MASTL: variants seen among roughly 807,000 people sequenced by gnomAD.
MASTL encodes the protein microtubule associated serine/threonine kinase like.
In MASTL, 54 loss-of-function variants were observed where a neutral mutation model predicts 82.5. The observed-to-expected ratio is 0.65, with a 90% CI of 0.53 to 0.82. MASTL has a LOEUF of 0.82. Among genes scored for constraint, MASTL ranks in the 40% least tolerant of loss-of-function variants. The pLI, the probability that MASTL is intolerant of heterozygous loss-of-function variation, is 0.00. For missense variants in MASTL, 950 were observed against 1,047.8 expected (o/e 0.91, Z 1.29); for synonymous variants, 323 against 368.9 (o/e 0.88, Z 1.43).
intron 11 of MASTL, among the ~76,000 whole-genome samples, chr10:27,183,851 A>G (rs2058472221): frequency 6.6e-6 from 1 of 151,900 alleles, no homozygotes; most frequent in Admixed American, 6.6e-5. Flanking sequence ...AGCTGGTACT[A>G]CTGGTGCACA....
At chr10:27,182,321 G>C (rs935106148) in intron 11 of MASTL, among the ~76,000 whole-genome samples, 3 of 151,454 alleles carry the variant, frequency 2.0e-5, no homozygotes, top group Admixed American at 2.0e-4. Flanking sequence ...AAGATAATTC[G>C]ATTTATTTCT....
At chr10:27,186,088 C>CA (rs144666387) in intron 11 of MASTL, among the ~76,000 whole-genome samples, 15,265 of 150,770 alleles carry the variant, frequency 0.1, 2,505 homozygotes, top group African/African-American at 0.35. Context: ...GACCTCGTCT[C>CA]AAAAAAAAAG....
chr10:27,187,177 G>A lies in MASTL; in HGVS notation c.*641G>A, dbSNP rs1745915390. Among the ~76,000 whole-genome samples the A allele has an allele frequency of 6.6e-6, 1 of 152,144 alleles. No homozygotes were observed. Among genetic ancestry groups the A allele is most frequent in the African/African-American group, 2.4e-5 (1 of 41,436 alleles). ...TAGCCGGGCATGTTGGTGGGCGCCT[G>A]TAGTCCCAGCTACTCTGGAGGCTGA... On this transcript the variant is annotated 3_prime_UTR_variant, in exon 12 of 12. Transcript: ENST00000375940.
chr10:27,171,111 T>A (rs757022643), intron 8 of MASTL, 28 bp downstream of exon 8: 2 of 1,599,790 alleles, frequency 1.3e-6, no homozygotes, highest in Non-Finnish European at 8.6e-7. Flanking sequence ...TAATACTGTT[T>A]TTTGGATTTT....
At chr10:27,184,535 A>C (rs1488222633) in intron 11 of MASTL, among the ~76,000 whole-genome samples, 4 of 148,830 alleles carry the variant, frequency 2.7e-5, no homozygotes, top group Non-Finnish European at 5.9e-5. Context: ...TATAAAAAAC[A>C]CTATCACATA....
intron 11 of MASTL, among the ~76,000 whole-genome samples, chr10:27,184,615 C>T (rs1294038264): frequency 1.6e-5 from 2 of 121,272 alleles, no homozygotes; most frequent in African/African-American, 6.4e-5. Flanking sequence ...GGCTGGAGTG[C>T]AGTGGCATGA....
At chr10:27,160,081 G>A (rs994348003) in intron 3 of MASTL, among the ~76,000 whole-genome samples, 2 of 149,712 alleles carry the variant, frequency 1.3e-5, no homozygotes, top group Non-Finnish European at 3.0e-5. Flanking sequence ...CTGCAGCCTC[G>A]ACCTCTGGGG....
chr10:27,185,307 ACT>A (rs1414528633), intron 11 of MASTL, among the ~76,000 whole-genome samples: 1 of 151,980 alleles, frequency 6.6e-6, no homozygotes, highest in Non-Finnish European at 1.5e-5. Flanking sequence ...AGTAGGCCAC[ACT>A]CTCTTCCCCT....
In MASTL at chr10:27,186,556, G is replaced by A; in HGVS notation, c.*20G>A. 6.3e-7 allele frequency: 1 copy of A among 1,597,288 alleles called. No individual in the cohort carries two copies. The highest frequency in any genetic ancestry group is 1.1e-5 in the South Asian group (1 of 90,794). ...CTGTAGCACAAAAATTTTCCTTTTAGTCTAGCCTTGTGTTATAGAATGAAC... is the reference window on the plus strand; with the variant it reads ...CTGTAGCACAAAAATTTTCCTTTTAATCTAGCCTTGTGTTATAGAATGAAC... On this transcript the variant is annotated 3_prime_UTR_variant, in exon 12 of 12. Transcript: ENST00000375940.
chr10:27,172,971 C>T, intron 8 of MASTL, 147 bp from the exon 9 acceptor site: 1 of 888,044 alleles, frequency 1.1e-6, no homozygotes, highest in Non-Finnish European at 1.7e-6. Flanking sequence ...ATTATGCATT[C>T]ATTTTCAAAA....
chr10:27,186,951 C>T lies in MASTL; in HGVS notation c.*415C>T. The T allele has an allele frequency of 4.2e-6, 1 of 240,114 alleles. No individual in the cohort carries two copies. The allele number at this position is 240,114 out of a possible 1,614,324, so 14.9% of individuals were successfully genotyped here. On this transcript the variant is annotated 3_prime_UTR_variant, in exon 12 of 12. Transcript: ENST00000375940. ...TTGTAATTTACTTGCATATGATTAC[C>T]TTCAAAAGCTGTGTTCTTGAGGGCA...
At chr10:27,167,547 G>A (rs974015004) in intron 7 of MASTL, among the ~76,000 whole-genome samples, 2 of 152,090 alleles carry the variant, frequency 1.3e-5, no homozygotes, top group Non-Finnish European at 2.9e-5. Flanking sequence ...GTGTATCTAG[G>A]TGGACCTCAC....
At chr10:27,155,334 C>G, upstream of MASTL, 1 of 1,314,958 alleles carries the variant, frequency 7.6e-7, no homozygotes, top group Non-Finnish European at 1.0e-6. Context: ...CGGCCGCGCG[C>G]GGCGTGGGCG....
chr10:27,179,041 G>A (rs796843), intron 9 of MASTL, among the ~76,000 whole-genome samples: 12 of 152,094 alleles, frequency 7.9e-5, no homozygotes, highest in Admixed American at 3.9e-4. Context: ...AAATGCAGTG[G>A]TGGCAGTTGT....
Position 27,180,982 on chromosome 10 carries a change from G to A in MASTL, c.2296G>A (p.Val766Ile). 1.2e-6 allele frequency: 2 copies of A among 1,613,584 alleles called. No homozygotes were observed. Among genetic ancestry groups the A allele is most frequent in the African/African-American group, 1.3e-5 (1 of 75,044 alleles). The change falls in exon 10 of 12, where the codon GTT becomes ATT. Residue 766 changes from valine (V) to isoleucine (I), a missense_variant. By Grantham distance (29) the Val-to-Ile change is conservative. Transcript: ENST00000375940. ...TGCGGTAGACTGGTGGGCACTTGGAGTTTGCTTGTTTGAATTTCTAACAGG... is the reference window on the plus strand; with the variant it reads ...TGCGGTAGACTGGTGGGCACTTGGAATTTGCTTGTTTGAATTTCTAACAGG... ...GPAVDWWALG[V>I]CLFEFLTGIP...
chr10:27,184,554 A>T (rs813721), intron 11 of MASTL, among the ~76,000 whole-genome samples: 38 of 84,846 alleles, frequency 4.5e-4, no homozygotes, highest in East Asian at 8.1e-4. Flanking sequence ...TATAAGAAGG[A>T]TTTTTTTTTT....
At chr10:27,162,429 G>A (rs2057600598) in intron 4 of MASTL, among the ~76,000 whole-genome samples, 1 of 152,188 alleles carries the variant, frequency 6.6e-6, no homozygotes, top group East Asian at 1.9e-4. Flanking sequence ...CTGGGAGGCC[G>A]AGGCGGGTAG....
chr10:27,159,607 C>CT lies in MASTL; in HGVS notation c.325-6dup. ...TGTTTTTATTTCACAATATTAAATT[C>CT]TTTTTTGAAAGGTAATGGAATATCT... On this transcript the variant is annotated splice_polypyrimidine_tract_variant and intron_variant, in intron 2 of 11. Coordinates refer to ENST00000375940, the MANE Select transcript of MASTL (RefSeq NM_001172303.3). The surrounding 1 kb of genome is among the most constrained non-coding windows in gnomAD (Gnocchi z 4.0). 6.7e-7 allele frequency: 1 copy of CT among 1,484,512 alleles called. No individual in the cohort carries two copies. The highest frequency in any genetic ancestry group is 1.1e-5 in the South Asian group (1 of 87,500). 92.0% of individuals were successfully genotyped at this position (1,484,512 alleles called of 1,614,324 possible).
Position 27,181,044 on chromosome 10 carries a change from A to G in MASTL, c.2358A>G (p.Val786=). 3 of 1,600,124 alleles carry G rather than the reference A, an allele frequency of 1.9e-6. No individual in the cohort carries two copies. The highest frequency in any genetic ancestry group is 2.6e-6 in the Non-Finnish European group (3 of 1,167,334). ...PPFNDETPQQ[V]FQNILKRDIP... is the part of the protein sequence containing the mutation. ...TCAATGATGAAACACCACAACAAGT[A>G]TTCCAGAATATTCTGAAAAGAGGTG... The change falls in exon 10 of 12, where the codon GTA becomes GTG. Residue 786 remains valine (V), a synonymous_variant. Coordinates refer to ENST00000375940, the MANE Select transcript of MASTL (RefSeq NM_001172303.3).
Sources: allele counts gnomAD v4.1 joint callset (sites outside exome capture counted in the v4.1 genomes callset), GRCh38; gene constraint gnomAD v4.1.1; non-coding constraint Gnocchi (gnomAD v3.1); transcripts MANE v1.5; gene names NCBI Gene and HGNC (gene_info 2026-07-23, HGNC 2026-07-21).